Variants in EFNA5 observed in about 807,000 individuals in gnomAD.
The protein encoded by EFNA5 is ephrin-A5.
Under a neutral mutation model 22.9 loss-of-function variants are expected in EFNA5, and 5 were observed. That is an observed-to-expected ratio of 0.22 (90% confidence interval 0.11 to 0.46). The LOEUF is 0.46. Ranked by LOEUF, EFNA5 falls within the 20% of genes least tolerant of loss-of-function variation. The pLI, the probability that EFNA5 is intolerant of heterozygous loss-of-function variation, is 0.99. For missense variants in EFNA5, 237 were observed against 293.3 expected, an observed-to-expected ratio of 0.81 and a Z score of 1.40; for synonymous variants, 113 against 112.2, an observed-to-expected ratio of 1.01 and a Z score of -0.04.
chr5:107,563,099 C>G (rs1399301947), intron 1 of EFNA5, among the ~76,000 whole-genome samples: 2 of 152,162 alleles, frequency 1.3e-5, no homozygotes, highest in Non-Finnish European at 2.9e-5. Flanking sequence ...AAGCCATACC[C>G]AATTCTAGGG....
chr5:107,489,620 T>A (rs1421450190), intron 1 of EFNA5, among the ~76,000 whole-genome samples: 1 of 151,802 alleles, frequency 6.6e-6, no homozygotes, highest in Non-Finnish European at 1.5e-5. Context: ...CACTGGACCC[T>A]AAAGCTTCCA....
intron 1 of EFNA5, among the ~76,000 whole-genome samples, chr5:107,529,248 T>A (rs1336989941): frequency 2.0e-5 from 3 of 152,166 alleles, no homozygotes; most frequent in African/African-American, 7.2e-5. Flanking sequence ...ATTAATGGTG[T>A]CTTTCAAATC....
chr5:107,380,914 C>T lies in EFNA5; in HGVS notation c.*341G>A, dbSNP rs758732195. 2.3e-5 allele frequency: 10 copies of T among 437,074 alleles called. No individual in the cohort carries two copies. The highest frequency in any genetic ancestry group is 1.1e-4 in the Admixed American group (3 of 26,416). The allele number at this position is 437,074 out of a possible 1,614,324, so 27.1% of individuals were successfully genotyped here. A position where few individuals can be genotyped will look rare whatever the true frequency, so the allele number is the denominator to read the frequency against. ...ATAGCCCGCTGACACAGTGCGCTAACGGAGGTGAGTTCTTAGAGGAGAATG... is the reference window on the plus strand; with the variant it reads ...ATAGCCCGCTGACACAGTGCGCTAATGGAGGTGAGTTCTTAGAGGAGAATG... On this transcript the variant is annotated 3_prime_UTR_variant, in exon 5 of 5. Coordinates refer to ENST00000333274, the MANE Select transcript of EFNA5 (RefSeq NM_001962.3).
intron 1 of EFNA5, among the ~76,000 whole-genome samples, chr5:107,617,794 A>G (rs1671985855): frequency 1.3e-5 from 2 of 152,218 alleles, no homozygotes; most frequent in South Asian, 4.1e-4. Context: ...AACACAATAC[A>G]GTTTAATTTT....
intron 1 of EFNA5, among the ~76,000 whole-genome samples, chr5:107,547,988 A>T (rs342602): frequency 6.6e-6 from 1 of 152,172 alleles, no homozygotes; most frequent in Non-Finnish European, 1.5e-5. Flanking sequence ...ATTCCTAAGA[A>T]GGTCTATATA....
At chr5:107,451,030 T>G (rs1418886305) in intron 1 of EFNA5, among the ~76,000 whole-genome samples, 3 of 152,238 alleles carry the variant, frequency 2.0e-5, no homozygotes, top group Non-Finnish European at 4.4e-5. Context: ...GACCACACTA[T>G]TCTATAGCAT....
At chr5:107,396,378 G>C (rs927997673) in intron 2 of EFNA5, among the ~76,000 whole-genome samples, 2 of 152,188 alleles carry the variant, frequency 1.3e-5, no homozygotes, top group African/African-American at 4.8e-5. Context: ...TAGAGGGGCA[G>C]TACAATTTTA....
chr5:107,547,476 T>C (rs1399306357), intron 1 of EFNA5, among the ~76,000 whole-genome samples: 2 of 151,906 alleles, frequency 1.3e-5, no homozygotes, highest in Non-Finnish European at 2.9e-5. Context: ...CTCTCTTGGT[T>C]AGGAATTTCT....
chr5:107,625,159 C>T (rs1382628386), intron 1 of EFNA5, among the ~76,000 whole-genome samples: 1 of 152,068 alleles, frequency 6.6e-6, no homozygotes, highest in African/African-American at 2.4e-5. Flanking sequence ...CTATGCAGAG[C>T]TAATAAAGAA....
intron 1 of EFNA5, among the ~76,000 whole-genome samples, chr5:107,669,102 C>G (rs1751130567): frequency 6.6e-6 from 1 of 152,052 alleles, no homozygotes; most frequent in South Asian, 2.1e-4. Flanking sequence ...GGAAATCTTC[C>G]CATCTTCATC....
chr5:107,548,238 G>A (rs1172796515), intron 1 of EFNA5, among the ~76,000 whole-genome samples: 1 of 152,140 alleles, frequency 6.6e-6, no homozygotes, highest in Admixed American at 6.6e-5. Context: ...AGTGAGGAAA[G>A]ACTACCTACA....
intron 2 of EFNA5, among the ~76,000 whole-genome samples, chr5:107,421,765 C>A (rs908149659): frequency 1.3e-5 from 2 of 151,270 alleles, no homozygotes; most frequent in Non-Finnish European, 2.9e-5. Context: ...TATAATAGAC[C>A]CCAGGACTTT....
chr5:107,617,001 T>C (rs1271684685), intron 1 of EFNA5, among the ~76,000 whole-genome samples: 3 of 152,064 alleles, frequency 2.0e-5, no homozygotes, highest in Admixed American at 2.0e-4. Context: ...TTAGCAGTTT[T>C]GTGGAGGAAA....
chr5:107,389,769 G>C (rs1253113880), intron 2 of EFNA5, among the ~76,000 whole-genome samples: 1 of 152,130 alleles, frequency 6.6e-6, no homozygotes. Context: ...CTCAAGGAGG[G>C]ACACAGTCTT....
At chr5:107,572,251 GCT>G (rs1376975883) in intron 1 of EFNA5, among the ~76,000 whole-genome samples, 1 of 152,006 alleles carries the variant, frequency 6.6e-6, no homozygotes, top group Non-Finnish European at 1.5e-5. Flanking sequence ...AGCCCTCGGA[GCT>G]CTCTGGTTTA....
chr5:107,452,877 G>A (rs1032703591), intron 1 of EFNA5, among the ~76,000 whole-genome samples: 8 of 152,094 alleles, frequency 5.3e-5, no homozygotes, highest in Non-Finnish European at 1.0e-4. Flanking sequence ...TACACAGAAA[G>A]GCTTAACTCC....
intron 2 of EFNA5, among the ~76,000 whole-genome samples, chr5:107,399,316 AACGG>A (rs1748019511): frequency 7.7e-6 from 1 of 129,688 alleles, no homozygotes; most frequent in Non-Finnish European, 1.6e-5. Context: ...GAAGGAAGGA[AACGG>A]AAAGGAAAGG....
chr5:107,393,065 T>G (rs760363017), intron 2 of EFNA5, among the ~76,000 whole-genome samples: 1 of 152,260 alleles, frequency 6.6e-6, no homozygotes, highest in Non-Finnish European at 1.5e-5. Context: ...TGTCTCATTT[T>G]AACTACAAAT....
intron 2 of EFNA5, among the ~76,000 whole-genome samples, chr5:107,397,628 A>T (rs374193642): frequency 2.6e-5 from 4 of 152,162 alleles, no homozygotes; most frequent in African/African-American, 9.7e-5. Flanking sequence ...TTAACCAGTA[A>T]GCCATGTTCT....
Sources: allele counts gnomAD v4.1 joint callset (sites outside exome capture counted in the v4.1 genomes callset), GRCh38; gene constraint gnomAD v4.1.1; transcripts MANE v1.5; gene names NCBI Gene and HGNC (gene_info 2026-07-23, HGNC 2026-07-21).